CCDC88A: variants seen among roughly 807,000 people sequenced by gnomAD.
CCDC88A encodes the protein coiled-coil and HOOK domain protein 88A, also known as girdin.
Under a neutral mutation model 234.3 loss-of-function variants are expected in CCDC88A, and 54 were observed. The observed-to-expected ratio is 0.23, with a 90% CI of 0.19 to 0.29. The LOEUF (loss-of-function observed/expected upper bound fraction) is 0.29, where lower values mean the gene tolerates loss of function less well. Ranked by LOEUF, CCDC88A falls within the 10% of genes least tolerant of loss-of-function variation. The pLI is 1.00. For synonymous variants in CCDC88A, 753 were observed against 737.8 expected (o/e 1.02, Z -0.33); for missense variants, 1,832 against 2,123.4 (o/e 0.86, Z 2.70).
At chr2:55,418,686 T>C in intron 2 of CCDC88A, 130 bp downstream of exon 2, 1 of 684,556 alleles carries the variant, frequency 1.5e-6, no homozygotes, top group Non-Finnish European at 2.6e-6. Flanking sequence ...CCTTTCAAGA[T>C]CCAATTCTTA....
In CCDC88A at chr2:55,312,531, G is replaced by A; in HGVS notation, c.3982C>T (p.Leu1328=). Residue 1328 remains leucine (L), a synonymous_variant, in exon 23 of 33, where the codon CTA becomes TTA. Transcript: ENST00000436346. ...GNLEEENRHL[L]DQIQTLMLQN... ...AGCATTAATGTCTGAATTTGATCTA[G>A]TAGATGCCGATTTTCTTCTTCTAAA... 6.2e-7 allele frequency: 1 copy of A among 1,610,450 alleles called. No individual in the cohort carries two copies. Among genetic ancestry groups the A allele is most frequent in the Non-Finnish European group, 8.5e-7 (1 of 1,178,440 alleles).
chr2:55,395,901 A>G (rs934724876), intron 2 of CCDC88A, among the ~76,000 whole-genome samples: 1 of 152,234 alleles, frequency 6.6e-6, no homozygotes, highest in Non-Finnish European at 1.5e-5. Flanking sequence ...TGAGTCTCTC[A>G]AATAAAAGCA....
intron 25 of CCDC88A, among the ~76,000 whole-genome samples, chr2:55,304,051 G>A (rs533917960): frequency 7.9e-5 from 12 of 152,320 alleles, no homozygotes; most frequent in African/African-American, 2.9e-4. Flanking sequence ...GCTTCTGCCT[G>A]TAATCCCAGG....
At position 55,309,209 on chromosome 2, in the gene CCDC88A, C is replaced by A. The variant is rs2104596506; in HGVS notation, c.4125G>T (p.Glu1375Asp). The change falls in exon 24 of 33, where the codon GAG (glutamate) becomes GAT (aspartate). Residue 1375 changes from glutamate (E) to aspartate (D), a missense_variant. Transcript: ENST00000436346. This position sits in a 1 kb window ranked among gnomAD's most constrained non-coding sequence, Gnocchi z 5.1. Reference protein sequence around the residue: ...ELRRQKEKLEEKIMDQYKFYD... With the variant: ...ELRRQKEKLEDKIMDQYKFYD... Reference sequence around the variant, plus strand: ...AAAATTTGTATTGATCCATAATTTTCTCTTCTAGTTTCTCCTTCTGACGTC... The same window carrying A: ...AAAATTTGTATTGATCCATAATTTTATCTTCTAGTTTCTCCTTCTGACGTC... 1 of 1,557,330 alleles carries A rather than the reference C, an allele frequency of 6.4e-7. No homozygotes were observed. Among genetic ancestry groups the A allele is most frequent in the Non-Finnish European group, 8.8e-7 (1 of 1,138,702 alleles).
rs1355514834 is a variant in CCDC88A, at chr2:55,296,338, T to G, written c.5011A>C (p.Ile1671Leu). Residue 1671 changes from isoleucine (I) to leucine (L), a missense_variant, in exon 30 of 33, where the codon ATC becomes CTC. Around this residue, in one of 6 missense-constraint regions of CCDC88A, gnomAD observed 422 missense variants for 416.5 expected, o/e 1.01. Coordinates refer to ENST00000436346, the MANE Select transcript of CCDC88A (RefSeq NM_001365480.1). ...TCACTTCCAGGGGAACCAGTTTTGA[T>G]CTTGTGATGTCGACTCTCCAGTGTT... ...SETLESRHHK[I>L]KTGSPGSEVV... 6.2e-7 allele frequency: 1 copy of G among 1,614,106 alleles called. No homozygotes were observed. The highest frequency in any genetic ancestry group is 1.3e-5 in the African/African-American group (1 of 74,954).
At position 55,301,222 on chromosome 2, in the gene CCDC88A, C is replaced by T. The variant is rs561789833; in HGVS notation, c.4728G>A (p.Thr1576=). Reference sequence around the variant, plus strand: ...TTATCTTACCATGAACTCTTGATCCCGTACTAGAATCATCACTAACACCTT... The same window carrying T: ...TTATCTTACCATGAACTCTTGATCCTGTACTAGAATCATCACTAACACCTT... ...SPQGVSDDSS[T]GSRVHASRPA... The change falls in exon 28 of 33, where the codon ACG becomes ACA. Residue 1576 remains threonine (T), a synonymous_variant. Transcript: ENST00000436346. 12 of 1,591,218 alleles carry T rather than the reference C, an allele frequency of 7.5e-6. No homozygotes were observed. The East Asian group carries it at 9.0e-5, about 12-fold the overall frequency.
chr2:55,301,513 C>T (rs1680898502), intron 27 of CCDC88A: 2 of 507,440 alleles, frequency 3.9e-6, no homozygotes, highest in East Asian at 3.4e-5. Context: ...TCCCCTCTGA[C>T]CCTGCAAAGC....
intron 2 of CCDC88A, among the ~76,000 whole-genome samples, chr2:55,401,857 G>T (rs923009608): frequency 2.6e-5 from 4 of 152,054 alleles, no homozygotes; most frequent in Non-Finnish European, 5.9e-5. Context: ...AGTAGGGCAT[G>T]ATATTCACTG....
chr2:55,339,599 T>C lies in CCDC88A; in HGVS notation c.1383A>G (p.Arg461=), dbSNP rs139049024. The change falls in exon 13 of 33, where the codon AGA becomes AGG. Residue 461 remains arginine, a synonymous_variant. Coordinates refer to ENST00000436346, the MANE Select transcript of CCDC88A (RefSeq NM_001365480.1). ...GHEVNELTSS[R]LLKLEMENQS... Reference sequence around the variant, plus strand: ...GATTTTCCATCTCTAGCTTCAATAATCTACTTGATGTCAACTCATTCACCT... The same window carrying C: ...GATTTTCCATCTCTAGCTTCAATAACCTACTTGATGTCAACTCATTCACCT... 336 of 1,613,546 alleles carry C rather than the reference T, an allele frequency of 2.1e-4. No homozygotes were observed. Among genetic ancestry groups the C allele is most frequent in the Non-Finnish European group, 2.7e-4 (314 of 1,179,832 alleles).
chr2:55,314,354 T>A (rs1682711208), intron 22 of CCDC88A: 1 of 152,226 alleles, frequency 6.6e-6, no homozygotes, highest in African/African-American at 2.4e-5. Flanking sequence ...TAAAGAGCAT[T>A]ATCAGTGTCA....
intron 2 of CCDC88A, chr2:55,417,651 T>C (rs1280250927): frequency 6.6e-6 from 1 of 152,016 alleles, no homozygotes; most frequent in Non-Finnish European, 1.5e-5. Flanking sequence ...AATAGTATAA[T>C]ACTTCCCTGT....
chr2:55,322,087 A>G (rs368081487), intron 18 of CCDC88A, among the ~76,000 whole-genome samples: 2 of 152,300 alleles, frequency 1.3e-5, no homozygotes, highest in East Asian at 1.9e-4. Flanking sequence ...TTAAGTGTCT[A>G]CTACCTACCA....
chr2:55,348,658 T>C (rs1669495492), intron 9 of CCDC88A: 1 of 152,170 alleles, frequency 6.6e-6, no homozygotes, highest in Non-Finnish European at 1.5e-5. Context: ...CAATCCTCAT[T>C]AATTTTTAAC....
chr2:55,315,845 G>C, intron 22 of CCDC88A, 83 bp downstream of exon 22: 1 of 746,426 alleles, frequency 1.3e-6, no homozygotes, highest in Non-Finnish European at 2.1e-6. Context: ...TACTAGTATT[G>C]TCATTGTAAT....
intron 3 of CCDC88A, among the ~76,000 whole-genome samples, chr2:55,377,194 C>CTT (rs11443883): frequency 0.02 from 2,271 of 114,914 alleles, 126 homozygotes; most frequent in African/African-American, 0.058. Context: ...TCACTATAGA[C>CTT]TTTTTTTTTT....
intron 2 of CCDC88A, among the ~76,000 whole-genome samples, chr2:55,398,778 T>C (rs1162981030): frequency 2.0e-5 from 3 of 151,958 alleles, no homozygotes; most frequent in Non-Finnish European, 2.9e-5. Flanking sequence ...GGCAGGAAGA[T>C]TGCTTGAGCC....
In CCDC88A at chr2:55,296,538, G is replaced by T; in HGVS notation, c.4826-15C>A. 6.2e-7 allele frequency: 1 copy of T among 1,607,798 alleles called. No homozygotes were observed. Among genetic ancestry groups the T allele is most frequent in the Non-Finnish European group, 8.5e-7 (1 of 1,177,136 alleles). On this transcript the variant is annotated splice_polypyrimidine_tract_variant and intron_variant, in intron 29 of 32. Coordinates refer to ENST00000436346, the MANE Select transcript of CCDC88A (RefSeq NM_001365480.1). ...AACTGCACCTGCTTTTGGAGTAAAT[G>T]GGGTGTTGAGATTTCAATAATAGAA...
intron 2 of CCDC88A, chr2:55,403,385 G>C (rs1486292036): frequency 6.6e-6 from 1 of 152,078 alleles, no homozygotes; most frequent in African/African-American, 2.4e-5. Flanking sequence ...AAGATTCAAG[G>C]GTCAAGACCC....
At chr2:55,386,628 A>G (rs2104882584) in intron 3 of CCDC88A, among the ~76,000 whole-genome samples, 1 of 151,544 alleles carries the variant, frequency 6.6e-6, no homozygotes, top group Middle Eastern at 3.4e-3. Flanking sequence ...CCCACCACCA[A>G]GGCTGGCTAA....
Sources: allele counts gnomAD v4.1 joint callset (sites outside exome capture counted in the v4.1 genomes callset), GRCh38; gene constraint gnomAD v4.1.1; regional missense constraint gnomAD v4.1.1; non-coding constraint Gnocchi (gnomAD v3.1); transcripts MANE v1.5; gene names NCBI Gene and HGNC (gene_info 2026-07-23, HGNC 2026-07-21).